USP25: variants seen among roughly 807,000 people sequenced by gnomAD.
USP25 encodes ubiquitin specific peptidase 25.
In USP25, 85 loss-of-function variants were observed where a neutral mutation model predicts 158.5. The observed-to-expected ratio is 0.54, with a 90% CI of 0.45 to 0.64. The LOEUF (loss-of-function observed/expected upper bound fraction) is 0.64. Among genes scored for constraint, USP25 ranks in the 30% least tolerant of loss-of-function variants. The pLI is 0.00. For missense variants in USP25, 1,242 were observed against 1,327.3 expected, an observed-to-expected ratio of 0.94 and a Z score of 1.00; for synonymous variants, 464 against 460.4, an observed-to-expected ratio of 1.01 and a Z score of -0.10.
intron 20 of USP25, among the ~76,000 whole-genome samples, chr21:15,851,038 C>T (rs917849865): frequency 6.6e-6 from 1 of 151,764 alleles, no homozygotes; most frequent in South Asian, 2.1e-4. Flanking sequence ...TTTATAGTTT[C>T]TAGGTTTCTA....
rs369044033 is a variant in USP25, at chr21:15,824,890, G to T, written c.1209-76G>T. Reference sequence around the variant, plus strand: ...CTTGGCGTCCCAGAGTGGTAGGCCGGGTACGCTGGCATCTGGCCATATTGC... The same window carrying T: ...CTTGGCGTCCCAGAGTGGTAGGCCGTGTACGCTGGCATCTGGCCATATTGC... On this transcript the variant is annotated intron_variant, in intron 11 of 25. Coordinates refer to ENST00000400183, the MANE Select transcript of USP25 (RefSeq NM_001283041.3). The T allele has an allele frequency of 2.5e-6, 3 of 1,210,510 alleles. No homozygotes were observed. In the East Asian group the frequency reaches 7.4e-5, roughly 30 times the overall value. The allele number at this position is 1,210,510 out of a possible 1,614,324, so 75.0% of individuals were successfully genotyped here. A position where few individuals can be genotyped will look rare whatever the true frequency, so the allele number is the denominator to read the frequency against.
intron 6 of USP25, among the ~76,000 whole-genome samples, chr21:15,803,040 A>G (rs1338776350): frequency 6.6e-6 from 1 of 151,682 alleles, no homozygotes; most frequent in Admixed American, 6.6e-5. Flanking sequence ...AAGTATCTTG[A>G]AAGTCACAAG....
intron 1 of USP25, among the ~76,000 whole-genome samples, chr21:15,734,378 T>TA (rs1365231987): frequency 6.6e-6 from 1 of 152,244 alleles, no homozygotes; most frequent in Non-Finnish European, 1.5e-5. Context: ...TAAATCACTT[T>TA]AAATGTTACT....
At chr21:15,868,775 A>T (rs2146579646) in intron 22 of USP25, among the ~76,000 whole-genome samples, 1 of 152,320 alleles carries the variant, frequency 6.6e-6, no homozygotes, top group East Asian at 1.9e-4. Flanking sequence ...CTAAAATATT[A>T]TCTGGCCTTT....
chr21:15,846,145 TATATATA>T lies in USP25; in HGVS notation c.2338-1517_2338-1511del, dbSNP rs1568882553. 7.3e-4 allele frequency among the ~76,000 whole-genome samples: 50 copies of T among 68,332 alleles called. 1 individual carries two copies. Among genetic ancestry groups the T allele is most frequent in the African/African-American group, 3.3e-3 (46 of 14,040 alleles). The allele number at this position is 68,332 out of a possible 152,430, so 44.8% of individuals were successfully genotyped here. On this transcript the variant is annotated intron_variant, in intron 18 of 25. Transcript: ENST00000400183. ...GTGTATATATATATATATATATATA[TATATATA>T]TATATATTTTTTTTTTTTTTTTTTT...
At chr21:15,795,540 C>A (rs1199029143) in intron 5 of USP25, among the ~76,000 whole-genome samples, 1 of 151,542 alleles carries the variant, frequency 6.6e-6, no homozygotes, top group Non-Finnish European at 1.5e-5. Flanking sequence ...GTGGTTTAAG[C>A]ATGATCACTC....
intron 1 of USP25, among the ~76,000 whole-genome samples, chr21:15,732,487 A>G (rs1415854658): frequency 6.6e-6 from 1 of 152,228 alleles, no homozygotes; most frequent in Non-Finnish European, 1.5e-5. Flanking sequence ...GCTGGTAACT[A>G]GGAAGTGAAC....
intron 1 of USP25, among the ~76,000 whole-genome samples, chr21:15,740,882 C>CA (rs2031988389): frequency 6.6e-6 from 1 of 151,790 alleles, no homozygotes; most frequent in African/African-American, 2.4e-5. Context: ...CACCACCCCC[C>CA]ACCCCCACAC....
At chr21:15,839,789 A>G (rs555114471) in intron 17 of USP25, among the ~76,000 whole-genome samples, 57 of 152,152 alleles carry the variant, frequency 3.7e-4, no homozygotes, top group Non-Finnish European at 6.2e-4. Flanking sequence ...TGTTTCATCT[A>G]CACCAGATTA....
At chr21:15,794,153 A>G (rs1273977568) in intron 5 of USP25, among the ~76,000 whole-genome samples, 2 of 151,736 alleles carry the variant, frequency 1.3e-5, no homozygotes, top group African/African-American at 4.8e-5. Flanking sequence ...TTGACCAGTT[A>G]TAGAAGTTTG....
At chr21:15,773,556 G>C (rs1354784273) in intron 3 of USP25, among the ~76,000 whole-genome samples, 6 of 151,740 alleles carry the variant, frequency 4.0e-5, no homozygotes, top group Non-Finnish European at 8.8e-5. Flanking sequence ...TCTTTTGCCA[G>C]TTATTTCAAA....
At chr21:15,760,594 A>G (rs1044910140) in intron 1 of USP25, among the ~76,000 whole-genome samples, 3 of 152,228 alleles carry the variant, frequency 2.0e-5, no homozygotes, top group African/African-American at 7.2e-5. Context: ...GACTTTTTAG[A>G]CTTCTGAAAA....
intron 1 of USP25, among the ~76,000 whole-genome samples, chr21:15,735,927 G>C (rs1262067523): frequency 6.6e-6 from 1 of 150,520 alleles, no homozygotes; most frequent in East Asian, 1.9e-4. Context: ...TTTCATTTAG[G>C]TTTCTGTATT....
At position 15,862,940 on chromosome 21, in the gene USP25, A is replaced by G. The variant is rs182344476; in HGVS notation, c.2548-1328A>G. ...TTTCTCCCATCTGTACAATACAACCATATAGATCATAACATCTAGACGTCA... is the reference window on the plus strand; with the variant it reads ...TTTCTCCCATCTGTACAATACAACCGTATAGATCATAACATCTAGACGTCA... On this transcript the variant is annotated intron_variant, in intron 20 of 25. Transcript: ENST00000400183. Among the ~76,000 whole-genome samples the G allele has an allele frequency of 4.0e-4, 61 of 152,136 alleles. No homozygotes were observed. In the East Asian group the frequency reaches 0.011, roughly 28 times the overall value.
chr21:15,850,369 T>C (rs2038831130), intron 20 of USP25, among the ~76,000 whole-genome samples: 2 of 152,170 alleles, frequency 1.3e-5, no homozygotes, highest in East Asian at 3.9e-4. Context: ...TTTGATAACC[T>C]AGTCAGTTCA....
At chr21:15,871,538 A>G (rs1011835852) in intron 23 of USP25, among the ~76,000 whole-genome samples, 16 of 152,212 alleles carry the variant, frequency 1.1e-4, no homozygotes, top group Non-Finnish European at 2.1e-4. Context: ...GTATTCTTGT[A>G]TAATTTAATG....
chr21:15,795,438 A>G (rs1335679746), intron 5 of USP25, among the ~76,000 whole-genome samples: 1 of 151,512 alleles, frequency 6.6e-6, no homozygotes, highest in East Asian at 1.9e-4. Flanking sequence ...ATGCCCACAC[A>G]TATTTGCTTC....
rs146182365 is a variant in USP25 at position 15,737,321 on chromosome 21, T to C, written c.45+6883T>C. 4.4e-3 allele frequency among the ~76,000 whole-genome samples: 667 copies of C among 152,270 alleles called. 5 individuals are homozygous for C. Among genetic ancestry groups the C allele is most frequent in the African/African-American group, 0.015 (637 of 41,568 alleles). The stretch of plus-strand genomic sequence containing the variant: ...TAATAATATATATTTTTAGTTTGGT[T>C]CTGAAGTACACATAATTGAATTAAT... On this transcript the variant is annotated intron_variant, in intron 1 of 25. Transcript: ENST00000400183.
intron 17 of USP25, among the ~76,000 whole-genome samples, chr21:15,838,896 C>G (rs1025636746): frequency 2.2e-4 from 34 of 152,184 alleles, no homozygotes; most frequent in Middle Eastern, 3.4e-3. Flanking sequence ...ACCCCCAAAC[C>G]TCCTCAATAG....
Sources: allele counts gnomAD v4.1 joint callset (sites outside exome capture counted in the v4.1 genomes callset), GRCh38; gene constraint gnomAD v4.1.1; transcripts MANE v1.5; gene names NCBI Gene and HGNC (gene_info 2026-07-23, HGNC 2026-07-21).